Variants in TFEC observed in about 807,000 individuals in gnomAD.
TFEC encodes the protein transcription factor EC.
Under a neutral mutation model 41.6 loss-of-function variants are expected in TFEC, and 31 were observed. That is an observed-to-expected ratio of 0.74 (90% confidence interval 0.56 to 1.01). TFEC has a LOEUF of 1.01. TFEC is among the 50% of genes least tolerant of loss of function. The pLI, the probability that TFEC is intolerant of heterozygous loss-of-function variation, is 0.00. For synonymous variants in TFEC, 143 were observed against 140.6 expected (o/e 1.02, Z -0.12); for missense variants, 402 against 404.1 (o/e 0.99, Z 0.04).
intron 3 of TFEC, among the ~76,000 whole-genome samples, chr7:116,107,733 A>C (rs969417999): frequency 1.3e-5 from 2 of 152,322 alleles, no homozygotes; most frequent in East Asian, 3.9e-4. Context: ...GTGAGAAAGT[A>C]GTGAAACCCA....
intron 3 of TFEC, among the ~76,000 whole-genome samples, chr7:116,098,008 T>C (rs1797509255): frequency 6.6e-6 from 1 of 152,194 alleles, no homozygotes; most frequent in African/African-American, 2.4e-5. Context: ...TCAATAGTTA[T>C]ACTAACTGTA....
At chr7:115,980,747 G>T (rs9770071) in intron 2 of TFEC, among the ~76,000 whole-genome samples, 130,024 of 151,242 alleles carry the variant, frequency 0.86, 55,990 homozygotes, top group Non-Finnish European at 0.89. Context: ...GAGACTTGTC[G>T]CCAAACAAAA....
At chr7:116,062,721 C>G (rs1796599228) in intron 3 of TFEC, among the ~76,000 whole-genome samples, 1 of 151,608 alleles carries the variant, frequency 6.6e-6, no homozygotes, top group African/African-American at 2.4e-5. Flanking sequence ...ACTTCTTTTC[C>G]TCTGGGTAGA....
chr7:115,972,648 CA>C (rs1266883324), intron 3 of TFEC, among the ~76,000 whole-genome samples: 3 of 152,084 alleles, frequency 2.0e-5, no homozygotes, highest in Non-Finnish European at 4.4e-5. Context: ...TCTAAATTAT[CA>C]GTTATCTTTG....
chr7:116,017,293 C>A (rs1462348029), intron 1 of TFEC, among the ~76,000 whole-genome samples: 1 of 152,208 alleles, frequency 6.6e-6, no homozygotes, highest in African/African-American at 2.4e-5. Context: ...ACGATCTCCA[C>A]TCACTGCAAC....
chr7:115,952,364 T>C (rs917183483), intron 5 of TFEC, among the ~76,000 whole-genome samples: 10 of 151,944 alleles, frequency 6.6e-5, no homozygotes, highest in African/African-American at 1.9e-4. Context: ...TATATACTTA[T>C]ATAGAAATGT....
chr7:116,150,459 G>C (rs780158219), intron 1 of TFEC, among the ~76,000 whole-genome samples: 6 of 151,872 alleles, frequency 4.0e-5, no homozygotes, highest in Non-Finnish European at 7.4e-5. Context: ...TATCAACACT[G>C]GACATTCTTG....
intron 2 of TFEC, among the ~76,000 whole-genome samples, chr7:115,978,826 T>A (rs1793498941): frequency 6.6e-6 from 1 of 152,170 alleles, no homozygotes. Flanking sequence ...AGTTATCTTT[T>A]TACTTTACTT....
chr7:116,033,691 C>T (rs553890704), upstream of TFEC, among the ~76,000 whole-genome samples: 2 of 152,166 alleles, frequency 1.3e-5, no homozygotes, highest in Admixed American at 6.6e-5. Context: ...AGACCACCAC[C>T]TAGCAATGCC....
At chr7:115,954,529 C>G in intron 5 of TFEC, 57 bp downstream of exon 5, 1 of 1,471,956 alleles carries the variant, frequency 6.8e-7, no homozygotes, top group Non-Finnish European at 9.3e-7. Flanking sequence ...GACCACACAC[C>G]TTAACCTCTA....
chr7:116,024,547 T>A lies in TFEC; in HGVS notation c.-73+6086A>T, dbSNP rs148986855. On this transcript the variant is annotated intron_variant, in intron 1 of 7. Transcript: ENST00000265440. ...CCCCAAGAGTCTTGTCAGACAAAAA[T>A]TAGATGATACATGTAAAGCCGTTAG... 5.6e-3 allele frequency among the ~76,000 whole-genome samples: 857 copies of A among 152,240 alleles called. 9 individuals are homozygous for A. The highest frequency in any genetic ancestry group is 0.019 in the African/African-American group (804 of 41,556).
In TFEC at chr7:115,940,899, C is replaced by A. The variant is rs201918398; in HGVS notation, c.696G>T (p.Leu232=). ...ELEIQARTHG[L]PTLASLGTVD... is the part of the protein sequence containing the mutation. Reference sequence around the variant, plus strand: ...CCGTGCCAAGTGAAGCCAGGGTTGGCAGACCATGAGTACGAGCCTGAATTT... The same window carrying A: ...CCGTGCCAAGTGAAGCCAGGGTTGGAAGACCATGAGTACGAGCCTGAATTT... The change falls in exon 8 of 8, where the codon CTG becomes CTT. Residue 232 remains leucine (L), a synonymous_variant. Coordinates refer to ENST00000265440, the MANE Select transcript of TFEC (RefSeq NM_012252.4). 2.4e-5 allele frequency: 39 copies of A among 1,608,368 alleles called. 2 individuals are homozygous for A. In the South Asian group the frequency reaches 2.5e-4, roughly 10 times the overall value.
chr7:116,079,346 A>T (rs771950544), intron 3 of TFEC, among the ~76,000 whole-genome samples: 6 of 152,136 alleles, frequency 3.9e-5, no homozygotes, highest in Non-Finnish European at 7.4e-5. Context: ...CAGACAAGAA[A>T]AACAAATAAA....
upstream of TFEC, chr7:116,030,819 A>G (rs562583806): frequency 3.0e-6 from 3 of 985,432 alleles, no homozygotes; most frequent in Admixed American, 6.1e-5. Context: ...GAAGTGGCTC[A>G]TTAGGGCATT....
chr7:115,979,667 T>C (rs1793538459), intron 2 of TFEC, among the ~76,000 whole-genome samples: 1 of 152,106 alleles, frequency 6.6e-6, no homozygotes, highest in African/African-American at 2.4e-5. Flanking sequence ...TCATCATCAC[T>C]TTCATGCCAA....
chr7:115,999,445 G>A (rs567220078), intron 1 of TFEC, among the ~76,000 whole-genome samples: 1 of 151,974 alleles, frequency 6.6e-6, no homozygotes, highest in East Asian at 1.9e-4. Flanking sequence ...AGAAAAGCAA[G>A]AGAAAGTAAA....
At chr7:115,989,074 T>C (rs968860957) in intron 1 of TFEC, among the ~76,000 whole-genome samples, 2 of 152,106 alleles carry the variant, frequency 1.3e-5, no homozygotes, top group African/African-American at 4.8e-5. Flanking sequence ...AGGAAATTTG[T>C]TTTCAGTAGC....
intron 2 of TFEC, among the ~76,000 whole-genome samples, chr7:115,974,796 A>G (rs1338201328): frequency 2.0e-5 from 3 of 151,892 alleles, no homozygotes; most frequent in Non-Finnish European, 2.9e-5. Context: ...ATTTCATCCT[A>G]CCTTCTCTAA....
At chr7:116,016,708 T>C (rs1795205363) in intron 1 of TFEC, among the ~76,000 whole-genome samples, 1 of 151,800 alleles carries the variant, frequency 6.6e-6, no homozygotes, top group South Asian at 2.1e-4. Flanking sequence ...ATATTGGATA[T>C]ATATAGTTAT....
Sources: allele counts gnomAD v4.1 joint callset (sites outside exome capture counted in the v4.1 genomes callset), GRCh38; gene constraint gnomAD v4.1.1; transcripts MANE v1.5; gene names NCBI Gene and HGNC (gene_info 2026-07-23, HGNC 2026-07-21).